Variants in TRNAU1AP observed in about 807,000 individuals in gnomAD.
The protein encoded by TRNAU1AP is tRNA selenocysteine 1 associated protein 1.
Under a neutral mutation model 43.3 loss-of-function variants are expected in TRNAU1AP, and 33 were observed. The observed-to-expected ratio is 0.76, with a 90% CI of 0.58 to 1.02. The LOEUF is 1.02. Ranked by LOEUF, TRNAU1AP falls within the 50% of genes least tolerant of loss-of-function variation. TRNAU1AP has a pLI of 0.00. For missense variants in TRNAU1AP, 290 were observed against 362.7 expected (o/e 0.80, Z 1.63); for synonymous variants, 143 against 129.1 (o/e 1.11, Z -0.73).
intron 2 of TRNAU1AP, among the ~76,000 whole-genome samples, chr1:28,555,335 A>C (rs1180986585): frequency 6.6e-6 from 1 of 152,158 alleles, no homozygotes; most frequent in Non-Finnish European, 1.5e-5. Flanking sequence ...AGTTTACTAC[A>C]TTCTAGTGGG....
chr1:28,571,830 A>C, intron 7 of TRNAU1AP, 37 bp from the exon 8 acceptor site: 1 of 1,559,374 alleles, frequency 6.4e-7, no homozygotes, highest in Non-Finnish European at 8.7e-7. Context: ...CCAGGATTTC[A>C]CCATGCCCCT....
chr1:28,575,453 A>G lies in TRNAU1AP; in HGVS notation c.728-2047A>G, dbSNP rs907007190. On this transcript the variant is annotated intron_variant, in intron 8 of 8. Transcript: ENST00000373830. ...GGTGTGAACCACTGCGCCAGGCCCA[A>G]TGTTTTTTTTTGTTTTTTTTTTTTT... Among the ~76,000 whole-genome samples the G allele has an allele frequency of 1.2e-4, 17 of 140,556 alleles. 1 individual carries two copies. Among genetic ancestry groups the G allele is most frequent in the Admixed American group, 7.8e-4 (11 of 14,062 alleles). 92.2% of individuals were successfully genotyped at this position (140,556 alleles called of 152,430 possible).
chr1:28,572,095 AGAGAGCCTGGGACAGGCAGCTCCAG>A (rs1200428104), intron 8 of TRNAU1AP, among the ~76,000 whole-genome samples, 195 bp downstream of exon 8: 1 of 117,500 alleles, frequency 8.5e-6, no homozygotes, highest in Non-Finnish European at 1.9e-5. Context: ...TGTAGATCCC[AGAGAGCCTGGGACAGGCAGCTCCAG>A]GAGAGCCCAT....
At chr1:28,553,825 A>G (rs868726953) in intron 2 of TRNAU1AP, 88 bp downstream of exon 2, 3 of 1,125,610 alleles carry the variant, frequency 2.7e-6, no homozygotes, top group African/African-American at 1.5e-5. Flanking sequence ...GCTTCTCACT[A>G]CCCCTAGTAA....
Position 28,571,978 on chromosome 1 carries a change from G to C in TRNAU1AP, c.727+78G>C, listed in dbSNP as rs909922554. 6.6e-5 allele frequency: 83 copies of C among 1,251,776 alleles called. 1 individual carries two copies. The South Asian group carries it at 9.4e-4, about 14-fold the overall frequency. 77.5% of individuals were successfully genotyped at this position (1,251,776 alleles called of 1,614,324 possible). A position where few individuals can be genotyped will look rare whatever the true frequency, so the allele number is the denominator to read the frequency against. On this transcript the variant is annotated intron_variant, in intron 8 of 8. Transcript: ENST00000373830. Reference sequence around the variant, plus strand: ...GGCTGGCACTGTGCTCTCAGCTAGAGGGAAGACAAGATAAATTCTGCTCTG... The same window carrying C: ...GGCTGGCACTGTGCTCTCAGCTAGACGGAAGACAAGATAAATTCTGCTCTG...
In TRNAU1AP at chr1:28,553,831, A is replaced by G. The variant is rs904246146; in HGVS notation, c.125+94A>G. 10 of 1,062,846 alleles carry G rather than the reference A, an allele frequency of 9.4e-6. No homozygotes were observed. The African/African-American group carries it at 1.3e-4, about 13-fold the overall frequency. 65.8% of individuals were successfully genotyped at this position (1,062,846 alleles called of 1,614,324 possible). A position where few individuals can be genotyped will look rare whatever the true frequency, so the allele number is the denominator to read the frequency against. ...GTAGTCATGGCTTCTCACTACCCCT[A>G]GTAATAGTCACTGTAAAATTATAAC... On this transcript the variant is annotated intron_variant, in intron 2 of 8. Transcript: ENST00000373830.
chr1:28,560,965 T>C, intron 3 of TRNAU1AP: 2 of 1,095,314 alleles, frequency 1.8e-6, no homozygotes, highest in Non-Finnish European at 2.5e-6. Context: ...ATTGGTTGCC[T>C]CCCAAATCCA....
At chr1:28,577,222 T>C (rs976985378) in intron 8 of TRNAU1AP, among the ~76,000 whole-genome samples, 14 of 152,196 alleles carry the variant, frequency 9.2e-5, no homozygotes, top group African/African-American at 2.9e-4. Flanking sequence ...AAATTTGAAG[T>C]GAGGACCAGA....
chr1:28,556,904 C>T (rs1313478209), intron 2 of TRNAU1AP, among the ~76,000 whole-genome samples: 1 of 151,926 alleles, frequency 6.6e-6, no homozygotes, highest in South Asian at 2.1e-4. Context: ...AGGATGGTCT[C>T]AATCTTCTGA....
intron 2 of TRNAU1AP, among the ~76,000 whole-genome samples, chr1:28,558,374 C>T (rs1382826678): frequency 6.6e-6 from 1 of 151,118 alleles, no homozygotes; most frequent in Non-Finnish European, 1.5e-5. Flanking sequence ...ACCACCCCAC[C>T]CAGCTAATTT....
intron 8 of TRNAU1AP, chr1:28,574,770 G>GA (rs967307415): frequency 6.6e-6 from 1 of 152,202 alleles, no homozygotes; most frequent in Admixed American, 6.5e-5. Context: ...GTCTTCAAGA[G>GA]AAAGTCATAG....
chr1:28,565,795 A>AAAAAAATG (rs766241740), intron 5 of TRNAU1AP: 1 of 150,684 alleles, frequency 6.6e-6, no homozygotes, highest in Non-Finnish European at 1.5e-5. Context: ...TCAAATAAAA[A>AAAAAAATG]AAAAAAGAAA....
At chr1:28,564,970 C>G in intron 5 of TRNAU1AP, 136 bp downstream of exon 5, 1 of 1,041,148 alleles carries the variant, frequency 9.6e-7, no homozygotes, top group South Asian at 1.3e-5. Context: ...TGGTTCAAAT[C>G]CCAGCTCCAA....
In TRNAU1AP at chr1:28,564,620, G is replaced by C. The variant is rs114987006; in HGVS notation, c.279-83G>C. On this transcript the variant is annotated intron_variant, in intron 4 of 8. Coordinates refer to ENST00000373830, the MANE Select transcript of TRNAU1AP (RefSeq NM_017846.5). ...TGTTTTCCTTAAGGGGCCTGGGAGA[G>C]GTTTACCTGGAATATGCAAAAGAGC... 1,386 of 1,521,762 alleles carry C rather than the reference G, an allele frequency of 9.1e-4. 13 individuals carry two copies. In the African/African-American group the frequency reaches 0.018, roughly 20 times the overall value. 94.3% of individuals were successfully genotyped at this position (1,521,762 alleles called of 1,614,324 possible).
rs538419878 is a variant in TRNAU1AP at position 28,574,241 on chromosome 1, C to T, written c.727+2341C>T. Among the ~76,000 whole-genome samples the T allele has an allele frequency of 4.6e-5, 7 of 152,078 alleles. No homozygotes were observed. The South Asian group carries it at 1.2e-3, about 27-fold the overall frequency. ...TAGCTGGGATTACAGGCATGCACCA[C>T]CACGCTCGGCTAATTTTTGTATTTT... On this transcript the variant is annotated intron_variant, in intron 8 of 8. Coordinates refer to ENST00000373830, the MANE Select transcript of TRNAU1AP (RefSeq NM_017846.5).
chr1:28,564,617 A>G (rs1665496124), intron 4 of TRNAU1AP, 86 bp from the exon 5 acceptor site: 2 of 1,505,048 alleles, frequency 1.3e-6, no homozygotes, highest in South Asian at 2.6e-5. Context: ...GGGGCCTGGG[A>G]GAGGTTTACC....
At chr1:28,562,337 A>C (rs1408037931) in intron 4 of TRNAU1AP, among the ~76,000 whole-genome samples, 1 of 152,178 alleles carries the variant, frequency 6.6e-6, no homozygotes, top group Non-Finnish European at 1.5e-5. Context: ...GAAGTGATTA[A>C]ATTATGGTCA....
chr1:28,559,794 C>T (rs1231015714), intron 2 of TRNAU1AP, among the ~76,000 whole-genome samples: 1 of 152,070 alleles, frequency 6.6e-6, no homozygotes, highest in African/African-American at 2.4e-5. Context: ...ACAATTTTGA[C>T]AAGAGTATTC....
At position 28,567,295 on chromosome 1, in the gene TRNAU1AP, G is replaced by A. The variant is rs1489188442; in HGVS notation, c.412G>A (p.Gly138Ser). 1 of 1,610,858 alleles carries A rather than the reference G, an allele frequency of 6.2e-7. No homozygotes were observed. ...AAATTGTATATTTTTTTCATGCAGG[G>A]GTTATGGTTTTGTGAAATTCACAGA... is the stretch of plus-strand genomic sequence containing the variant. The part of the protein sequence containing the change: ...VVLDQTGVSK[G>S]YGFVKFTDEL... The change falls in exon 6 of 9, where the codon GGT (glycine) becomes AGT (serine). Residue 138 changes from glycine to serine, a missense_variant and splice_region_variant. By Grantham distance (56) the Gly-to-Ser change is moderately conservative. Around this residue, in one of 3 missense-constraint regions of TRNAU1AP, gnomAD observed 174 missense variants for 262.1 expected, o/e 0.66. Coordinates refer to ENST00000373830, the MANE Select transcript of TRNAU1AP (RefSeq NM_017846.5).
Sources: allele counts gnomAD v4.1 joint callset (sites outside exome capture counted in the v4.1 genomes callset), GRCh38; gene constraint gnomAD v4.1.1; regional missense constraint gnomAD v4.1.1; transcripts MANE v1.5; gene names NCBI Gene and HGNC (gene_info 2026-07-23, HGNC 2026-07-21).